Variants in ALMS1 observed in about 807,000 individuals in gnomAD.
The protein encoded by ALMS1 is centrosome-associated protein ALMS1.
In ALMS1, 271 loss-of-function variants were observed where a neutral mutation model predicts 352.2. The observed-to-expected ratio is 0.77, with a 90% CI of 0.70 to 0.85. The LOEUF (loss-of-function observed/expected upper bound fraction) is 0.85, where lower values mean the gene tolerates loss of function less well. ALMS1 is among the 40% of genes least tolerant of loss of function. The pLI is 0.00. For missense variants in ALMS1, 5,445 were observed against 4,870.7 expected, an observed-to-expected ratio of 1.12 and a Z score of -3.51; for synonymous variants, 1,865 against 1,761.2, an observed-to-expected ratio of 1.06 and a Z score of -1.48.
rs768943180 is a variant in ALMS1, at chr2:73,491,483, C to G, written c.9524C>G (p.Pro3175Arg). ...FEGHSNPEGTPVFADRLPEKM... is the reference protein window; with the variant it reads ...FEGHSNPEGTRVFADRLPEKM... ...GGACATTCCAATCCAGAGGGGACCC[C>G]AGTATTTGCAGATCGGTGAGTCTCA... Residue 3175 changes from proline (P) to arginine (R), a missense_variant, in exon 10 of 23, where the codon CCA (proline) becomes CGA (arginine). By Grantham distance (103) the Pro-to-Arg change is moderately radical. Transcript: ENST00000613296. 6.2e-7 allele frequency: 1 copy of G among 1,613,928 alleles called. No individual in the cohort carries two copies. The highest frequency in any genetic ancestry group is 8.5e-7 in the Non-Finnish European group (1 of 1,179,980).
chr2:73,432,570 G>A (rs1209722961), intron 7 of ALMS1, among the ~76,000 whole-genome samples: 1 of 152,088 alleles, frequency 6.6e-6, no homozygotes, highest in Non-Finnish European at 1.5e-5. Context: ...GTGAGGGCCT[G>A]TTTGTCATAG....
intron 13 of ALMS1, among the ~76,000 whole-genome samples, chr2:73,550,868 G>T (rs1435352338): frequency 6.6e-6 from 1 of 151,720 alleles, no homozygotes; most frequent in Non-Finnish European, 1.5e-5. Flanking sequence ...TAAAGACAGG[G>T]TCTCACTCTG....
At chr2:73,411,443 G>T (rs1671074858) in intron 2 of ALMS1, among the ~76,000 whole-genome samples, 1 of 152,064 alleles carries the variant, frequency 6.6e-6, no homozygotes, top group Admixed American at 6.5e-5. Flanking sequence ...CTTTGTTATA[G>T]CAGCCCTAGG....
At chr2:73,407,192 C>T (rs1212373697) in intron 1 of ALMS1, among the ~76,000 whole-genome samples, 1 of 152,078 alleles carries the variant, frequency 6.6e-6, no homozygotes, top group Non-Finnish European at 1.5e-5. Context: ...CATGCTAGCT[C>T]AGGTCTCTCT....
chr2:73,527,153 T>C (rs1319707161), intron 11 of ALMS1, among the ~76,000 whole-genome samples: 1 of 152,106 alleles, frequency 6.6e-6, no homozygotes, highest in Non-Finnish European at 1.5e-5. Flanking sequence ...TTTTAATGTG[T>C]TGTTGAATTT....
chr2:73,605,541 T>C (rs143742906), intron 21 of ALMS1, among the ~76,000 whole-genome samples: 42 of 152,360 alleles, frequency 2.8e-4, no homozygotes, highest in African/African-American at 9.6e-4. Flanking sequence ...ACCTTGCAAC[T>C]AATTTTTAAG....
At chr2:73,539,875 A>G (rs1447749973) in intron 12 of ALMS1, among the ~76,000 whole-genome samples, 1 of 152,242 alleles carries the variant, frequency 6.6e-6, no homozygotes, top group African/African-American at 2.4e-5. Context: ...ACTATATGAA[A>G]CAACCAAATC....
At chr2:73,589,501 T>A (rs1434046597) in intron 16 of ALMS1, among the ~76,000 whole-genome samples, 3 of 152,196 alleles carry the variant, frequency 2.0e-5, no homozygotes, top group Non-Finnish European at 4.4e-5. Flanking sequence ...CATTTCTGTC[T>A]CCCCATAGGA....
At chr2:73,386,609 G>A (rs1275527151) in intron 1 of ALMS1, among the ~76,000 whole-genome samples, 4 of 152,156 alleles carry the variant, frequency 2.6e-5, no homozygotes. Flanking sequence ...ACTCCCCTGA[G>A]GGAGTAATGT....
At position 73,419,261 on chromosome 2, in the gene ALMS1, C is replaced by T. The variant is rs1671240457; in HGVS notation, c.589C>T (p.Gln197Ter). 2 of 1,613,974 alleles carry T rather than the reference C, an allele frequency of 1.2e-6. No homozygotes were observed. Among genetic ancestry groups the T allele is most frequent in the Non-Finnish European group, 1.7e-6 (2 of 1,179,944 alleles). ...FPSLEEGILT[Q>*]SENQVKEPNR... is the part of the protein sequence containing the mutation. ...CTCTCTGGAGGAGGGCATATTGACG[C>T]AATCAGAAAATCAAGTAAAGGAACC... The change falls in exon 3 of 23, where the codon CAA becomes TAA. Residue 197 changes from glutamine to a stop codon, truncating the protein, a stop_gained. Transcript: ENST00000613296. LOFTEE classifies it high-confidence loss of function.
At chr2:73,464,859 G>C (rs1672295024) in intron 9 of ALMS1, among the ~76,000 whole-genome samples, 1 of 151,964 alleles carries the variant, frequency 6.6e-6, no homozygotes, top group Non-Finnish European at 1.5e-5. Context: ...GCTTCAAAGA[G>C]AGTAAAATAC....
At chr2:73,454,868 G>A (rs1027756394) in intron 8 of ALMS1, among the ~76,000 whole-genome samples, 1 of 152,054 alleles carries the variant, frequency 6.6e-6, no homozygotes, top group Non-Finnish European at 1.5e-5. Context: ...GGAACTAAAG[G>A]GAGAGGTAAA....
At chr2:73,403,927 TC>T (rs1670920817) in intron 1 of ALMS1, among the ~76,000 whole-genome samples, 1 of 152,156 alleles carries the variant, frequency 6.6e-6, no homozygotes. Flanking sequence ...TGAGACAGAG[TC>T]TCACTCTGTT....
chr2:73,554,207 T>C (rs1674495703), intron 13 of ALMS1, among the ~76,000 whole-genome samples: 1 of 148,656 alleles, frequency 6.7e-6, no homozygotes, highest in Non-Finnish European at 1.5e-5. Flanking sequence ...CTAGTGTTGA[T>C]ATGGACAAAA....
intron 13 of ALMS1, among the ~76,000 whole-genome samples, chr2:73,554,636 C>A (rs932166471): frequency 1.3e-5 from 2 of 152,096 alleles, no homozygotes; most frequent in Admixed American, 1.3e-4. Context: ...TGGCATGAAC[C>A]TGGGAGGCGG....
chr2:73,418,530 CTG>C (rs1346507890), intron 2 of ALMS1, among the ~76,000 whole-genome samples: 1 of 152,234 alleles, frequency 6.6e-6, no homozygotes. Context: ...CCCGGCTCAA[CTG>C]TGTAAAAATT....
chr2:73,479,402 G>C (rs114093264), intron 9 of ALMS1, among the ~76,000 whole-genome samples: 3 of 152,154 alleles, frequency 2.0e-5, no homozygotes, highest in Non-Finnish European at 2.9e-5. Flanking sequence ...TGAGCTCCTG[G>C]CAACCACTAA....
At chr2:73,386,535 G>C (rs1348511493) in intron 1 of ALMS1, among the ~76,000 whole-genome samples, 1 of 152,148 alleles carries the variant, frequency 6.6e-6, no homozygotes, top group African/African-American at 2.4e-5. Flanking sequence ...ACCGGAGCGA[G>C]TGGTTGCCTG....
intron 1 of ALMS1, among the ~76,000 whole-genome samples, chr2:73,396,894 T>TGCTAGGATC (rs1670776078): frequency 6.6e-6 from 1 of 152,154 alleles, no homozygotes; most frequent in Admixed American, 6.5e-5. Flanking sequence ...TCCACCCTCC[T>TGCTAGGATC]CGGCCTCCCA....
Sources: allele counts gnomAD v4.1 joint callset (sites outside exome capture counted in the v4.1 genomes callset), GRCh38; gene constraint gnomAD v4.1.1; transcripts MANE v1.5; gene names NCBI Gene and HGNC (gene_info 2026-07-23, HGNC 2026-07-21).